NMT2: variants seen among roughly 807,000 people sequenced by gnomAD.
The protein encoded by NMT2 is glycylpeptide N-tetradecanoyltransferase 2.
In NMT2, 35 loss-of-function variants were observed where a neutral mutation model predicts 65.4. The observed-to-expected ratio is 0.54, with a 90% CI of 0.41 to 0.71. NMT2 has a LOEUF of 0.71. Among genes scored for constraint, NMT2 ranks in the 30% least tolerant of loss-of-function variants. The probability of loss-of-function intolerance (pLI) is 0.00; values close to 1 mark genes in which losing one functional copy is unlikely to be tolerated. For synonymous variants in NMT2, 226 were observed against 231.8 expected, an observed-to-expected ratio of 0.98 and a Z score of 0.23; for missense variants, 489 against 611.3, an observed-to-expected ratio of 0.80 and a Z score of 2.11.
chr10:15,156,443 G>A (rs1010436897), intron 1 of NMT2, among the ~76,000 whole-genome samples: 1 of 152,088 alleles, frequency 6.6e-6, no homozygotes, highest in Admixed American at 6.5e-5. Flanking sequence ...AAATTACCCG[G>A]TCTAACGTAC....
At chr10:15,125,833 A>AT (rs1846056192) in intron 8 of NMT2, among the ~76,000 whole-genome samples, 1 of 151,942 alleles carries the variant, frequency 6.6e-6, no homozygotes, top group African/African-American at 2.4e-5. Context: ...TCCACAGCTA[A>AT]TTTTTTAATT....
At chr10:15,138,843 T>C (rs953534923) in intron 2 of NMT2, among the ~76,000 whole-genome samples, 1 of 152,114 alleles carries the variant, frequency 6.6e-6, no homozygotes, top group South Asian at 2.1e-4. Context: ...TTCCTCCAAA[T>C]TAAGAAAAGA....
chr10:15,146,573 G>A (rs895129592), intron 1 of NMT2, among the ~76,000 whole-genome samples: 2 of 152,168 alleles, frequency 1.3e-5, no homozygotes, highest in East Asian at 1.9e-4. Flanking sequence ...CCTTTGTGCT[G>A]TCTGGATGCA....
chr10:15,108,005 CA>C lies in NMT2; in HGVS notation c.*1189del. 1.0e-6 allele frequency: 1 copy of C among 985,738 alleles called. No individual in the cohort carries two copies. The highest frequency in any genetic ancestry group is 1.2e-6 in the Non-Finnish European group (1 of 829,890). 61.1% of individuals were successfully genotyped at this position (985,738 alleles called of 1,614,324 possible). A position where few individuals can be genotyped will look rare whatever the true frequency, so the allele number is the denominator to read the frequency against. ...GCATAGAGGAGTATGTGCAATTTTG[CA>C]TAAGTAATAAAAACATTCAAACTAT... On this transcript the variant is annotated 3_prime_UTR_variant, in exon 12 of 12. Coordinates refer to ENST00000378165, the MANE Select transcript of NMT2 (RefSeq NM_004808.3).
At chr10:15,149,701 C>T (rs931794124) in intron 1 of NMT2, among the ~76,000 whole-genome samples, 3 of 152,030 alleles carry the variant, frequency 2.0e-5, no homozygotes, top group African/African-American at 4.8e-5. Flanking sequence ...TAAACTGTCA[C>T]ACTCGGAGGT....
chr10:15,131,364 T>C (rs1043084383), intron 6 of NMT2, among the ~76,000 whole-genome samples: 11 of 151,706 alleles, frequency 7.3e-5, no homozygotes, highest in African/African-American at 2.7e-4. Context: ...TTGACCAGGC[T>C]GGTCTCGACC....
chr10:15,112,646 C>A, intron 10 of NMT2, 150 bp downstream of exon 10: 2 of 705,282 alleles, frequency 2.8e-6, no homozygotes, highest in East Asian at 3.0e-5. Flanking sequence ...AAACTCTTAT[C>A]AAAATTCTTC....
chr10:15,127,566 A>AAAAT, intron 8 of NMT2, among the ~76,000 whole-genome samples: 1 of 88,184 alleles, frequency 1.1e-5, no homozygotes, highest in East Asian at 2.6e-4. Flanking sequence ...AAAAAAAAAA[A>AAAAT]AAAATAAATA....
chr10:15,167,548 G>A (rs570983758), intron 1 of NMT2, among the ~76,000 whole-genome samples: 1 of 152,130 alleles, frequency 6.6e-6, no homozygotes, highest in Non-Finnish European at 1.5e-5. Context: ...AGCAAGAACC[G>A]CTCTGTGCCA....
At chr10:15,145,431 G>A (rs1299032050) in intron 1 of NMT2, among the ~76,000 whole-genome samples, 2 of 152,130 alleles carry the variant, frequency 1.3e-5, no homozygotes, top group East Asian at 3.9e-4. Flanking sequence ...CCAGGCTGGA[G>A]TGCAGTGGTG....
Position 15,128,654 on chromosome 10 carries a change from T to G in NMT2, c.891-196A>C, listed in dbSNP as rs113751880. Among the ~76,000 whole-genome samples, 9 of 152,370 alleles carry G rather than the reference T, an allele frequency of 5.9e-5. 1 individual carries two copies. The highest frequency in any genetic ancestry group is 2.2e-4 in the African/African-American group (9 of 41,584). On this transcript the variant is annotated intron_variant, in intron 7 of 11. Coordinates refer to ENST00000378165, the MANE Select transcript of NMT2 (RefSeq NM_004808.3). ...ACATCTTATACTCCAGTTATGTTCCTCAGGAGTTTGTGACCTTTCATCTTT... is the reference window on the plus strand; with the variant it reads ...ACATCTTATACTCCAGTTATGTTCCGCAGGAGTTTGTGACCTTTCATCTTT...
chr10:15,131,032 C>T (rs1846268373), intron 6 of NMT2, among the ~76,000 whole-genome samples: 1 of 152,030 alleles, frequency 6.6e-6, no homozygotes, highest in South Asian at 2.1e-4. Flanking sequence ...TCATGATCTA[C>T]CTGCCTCGAT....
At chr10:15,156,016 T>C (rs537302422) in intron 1 of NMT2, among the ~76,000 whole-genome samples, 5 of 152,174 alleles carry the variant, frequency 3.3e-5, no homozygotes, top group Non-Finnish European at 7.4e-5. Flanking sequence ...ATTTAGAACT[T>C]AGGAATTGTT....
At chr10:15,136,413 G>C (rs907811555) in intron 2 of NMT2, among the ~76,000 whole-genome samples, 3 of 144,690 alleles carry the variant, frequency 2.1e-5, no homozygotes, top group Non-Finnish European at 4.6e-5. Flanking sequence ...GAGACAGAGA[G>C]GGAGAGGGAG....
intron 8 of NMT2, among the ~76,000 whole-genome samples, chr10:15,127,580 AAAT>A (rs1329028467): frequency 1.7e-4 from 12 of 71,498 alleles, no homozygotes; most frequent in African/African-American, 1.6e-3. Context: ...ATAAATAAAT[AAAT>A]AAATAAATAA....
intron 1 of NMT2, among the ~76,000 whole-genome samples, chr10:15,158,050 C>T (rs1296523492): frequency 6.6e-6 from 1 of 152,148 alleles, no homozygotes; most frequent in Non-Finnish European, 1.5e-5. Flanking sequence ...CACGGTGGCT[C>T]ACGCTTGTAG....
intron 1 of NMT2, 157 bp downstream of exon 1, chr10:15,168,346 G>A: frequency 2.5e-6 from 1 of 396,266 alleles, no homozygotes; most frequent in Non-Finnish European, 4.5e-6. Context: ...CGAGCCGCGC[G>A]CCCCGGACCT....
At position 15,106,079 on chromosome 10, in the gene NMT2, C is replaced by T. The variant is rs541000636; in HGVS notation, c.*3116G>A. Reference sequence around the variant, plus strand: ...GTGTGATCCCGGCTCACTGCAACCCCGCCTCCTGGGTTCAAGCGATTCTCC... The same window carrying T: ...GTGTGATCCCGGCTCACTGCAACCCTGCCTCCTGGGTTCAAGCGATTCTCC... On this transcript the variant is annotated 3_prime_UTR_variant, in exon 12 of 12. Transcript: ENST00000378165. 759 of 340,930 alleles carry T rather than the reference C, an allele frequency of 2.2e-3. 1 individual carries two copies. The highest frequency in any genetic ancestry group is 3.4e-3 in the Non-Finnish European group (582 of 173,610). The allele number at this position is 340,930 out of a possible 1,614,324, so 21.1% of individuals were successfully genotyped here. A position where few individuals can be genotyped will look rare whatever the true frequency, so the allele number is the denominator to read the frequency against.
chr10:15,127,546 C>CAAAAAAAAAAAAAAAAAAAA (rs1239422956), intron 8 of NMT2, among the ~76,000 whole-genome samples: 5 of 51,384 alleles, frequency 9.7e-5, no homozygotes, highest in Non-Finnish European at 1.8e-4. Flanking sequence ...GACTCCGTCT[C>CAAAAAAAAAAAAAAAAAAAA]AAAAAAAAAA....
Sources: allele counts gnomAD v4.1 joint callset (sites outside exome capture counted in the v4.1 genomes callset), GRCh38; gene constraint gnomAD v4.1.1; transcripts MANE v1.5; gene names NCBI Gene and HGNC (gene_info 2026-07-23, HGNC 2026-07-21).